Variants in CLEC16A observed in about 807,000 individuals in gnomAD.
CLEC16A encodes the protein C-type lectin domain containing 16A.
Under a neutral mutation model 109.5 loss-of-function variants are expected in CLEC16A, and 51 were observed. The ratio of observed to expected loss-of-function variants is 0.47; its 90% confidence interval spans 0.37 to 0.59. CLEC16A has a LOEUF of 0.59. Among genes scored for constraint, CLEC16A ranks in the 20% least tolerant of loss-of-function variants. The pLI is 0.00. For synonymous variants in CLEC16A, 673 were observed against 564.2 expected (o/e 1.19, Z -2.73); for missense variants, 1,339 against 1,394.0 (o/e 0.96, Z 0.63).
At chr16:11,018,866 G>T (rs1043437238) in intron 11 of CLEC16A, among the ~76,000 whole-genome samples, 1 of 152,166 alleles carries the variant, frequency 6.6e-6, no homozygotes, top group Non-Finnish European at 1.5e-5. Flanking sequence ...AAGGTCAGAG[G>T]TGGACTGGGG....
At chr16:11,021,139 T>C (rs1433743427) in intron 12 of CLEC16A, among the ~76,000 whole-genome samples, 1 of 152,200 alleles carries the variant, frequency 6.6e-6, no homozygotes, top group Non-Finnish European at 1.5e-5. Flanking sequence ...CGGCCCCCCA[T>C]CCTCTTTAGT....
At chr16:11,027,425 G>A in intron 13 of CLEC16A, 4 of 1,500,858 alleles carry the variant, frequency 2.7e-6, no homozygotes, top group Non-Finnish European at 3.7e-6. Context: ...TGCGTATAGT[G>A]GAAACTTATG....
In CLEC16A at chr16:11,112,181, C is replaced by T. The variant is rs539657451; in HGVS notation, c.2117-8434C>T. 1.2e-3 allele frequency among the ~76,000 whole-genome samples: 182 copies of T among 152,334 alleles called. 1 individual carries two copies. The highest frequency in any genetic ancestry group is 2.1e-3 in the Admixed American group (32 of 15,308). On this transcript the variant is annotated intron_variant, in intron 19 of 23. Coordinates refer to ENST00000409790, the MANE Select transcript of CLEC16A (RefSeq NM_015226.3). The stretch of plus-strand genomic sequence containing the variant: ...TTAAGAAAGGAAATGGAGAGGAGAA[C>T]ATAGCCCCATGAGTGCTTGAAAATG...
At chr16:11,131,029 G>GAA (rs112694398) in intron 22 of CLEC16A, among the ~76,000 whole-genome samples, 6,271 of 150,132 alleles carry the variant, frequency 0.042, 423 homozygotes, top group African/African-American at 0.15. Flanking sequence ...ATTTGGCTCA[G>GAA]AAAAAAAAAA....
At chr16:11,152,267 A>G (rs1178362308) in intron 22 of CLEC16A, among the ~76,000 whole-genome samples, 1 of 152,232 alleles carries the variant, frequency 6.6e-6, no homozygotes, top group African/African-American at 2.4e-5. Flanking sequence ...AAGCCCAGGA[A>G]AAACGAGTGC....
rs982188435 is a variant in CLEC16A, at chr16:10,944,807, G to A, written c.80+10G>A. 1.2e-6 allele frequency: 2 copies of A among 1,600,216 alleles called. No homozygotes were observed. Among genetic ancestry groups the A allele is most frequent in the East Asian group, 4.5e-5 (2 of 44,514 alleles). On this transcript the variant is annotated intron_variant, in intron 1 of 23. Coordinates refer to ENST00000409790, the MANE Select transcript of CLEC16A (RefSeq NM_015226.3). Reference sequence around the variant, plus strand: ...CCTTGGACCACCTCAAGTGAGTGTGGGGGGCGTAGCGGGAGGCCTCGGGGC... The same window carrying A: ...CCTTGGACCACCTCAAGTGAGTGTGAGGGGCGTAGCGGGAGGCCTCGGGGC...
chr16:11,153,550 C>T (rs941424162), intron 22 of CLEC16A, among the ~76,000 whole-genome samples: 3 of 150,642 alleles, frequency 2.0e-5, no homozygotes, highest in Non-Finnish European at 2.9e-5. Flanking sequence ...GTTTAAGAAA[C>T]GTCACTCTAA....
In CLEC16A at chr16:11,126,094, C is replaced by T. The variant is rs1245929568; in HGVS notation, c.2589C>T (p.Ser863=). 3 of 1,613,790 alleles carry T rather than the reference C, an allele frequency of 1.9e-6. No individual in the cohort carries two copies. Among genetic ancestry groups the T allele is most frequent in the African/African-American group, 2.7e-5 (2 of 74,890 alleles). Residue 863 remains serine (S), a synonymous_variant, in exon 22 of 24, where the codon AGC becomes AGT. Coordinates refer to ENST00000409790, the MANE Select transcript of CLEC16A (RefSeq NM_015226.3). ...FRFYDQGRRG[S]SDPTVQRSVF... is the part of the protein sequence containing the mutation. ...TCTACGACCAGGGGCGCCGGGGCAG[C>T]AGCGACCCCACAGTGCAGCGCTCCG...
intron 22 of CLEC16A, chr16:11,156,460 C>G (rs574899078): frequency 4.6e-5 from 22 of 483,392 alleles, no homozygotes; most frequent in Admixed American, 2.0e-4. Flanking sequence ...GCCATAGTGA[C>G]CCACCCTGCT....
chr16:10,983,082 C>G, intron 10 of CLEC16A, 91 bp downstream of exon 10: 1 of 739,392 alleles, frequency 1.4e-6, no homozygotes, highest in Non-Finnish European at 2.4e-6. Flanking sequence ...AACTAACATT[C>G]TGAATATATA....
intron 22 of CLEC16A, among the ~76,000 whole-genome samples, chr16:11,137,957 G>A (rs1265957925): frequency 6.6e-6 from 1 of 152,244 alleles, no homozygotes; most frequent in Non-Finnish European, 1.5e-5. Context: ...GAGACAGGCA[G>A]AAGCCATTTG....
chr16:11,174,095 G>T lies in CLEC16A; in HGVS notation c.2807-4240G>T, dbSNP rs909038727. On this transcript the variant is annotated intron_variant, in intron 23 of 23. Coordinates refer to ENST00000409790, the MANE Select transcript of CLEC16A (RefSeq NM_015226.3). This position sits in a 1 kb window ranked among gnomAD's most constrained non-coding sequence, Gnocchi z 4.7. ...TGCTGCTCAGTGTCCCCTCCATGTC[G>T]CCTCTGCCGTCCCATTGTTAAAGGC... The T allele has an allele frequency of 1.1e-5, 5 of 443,404 alleles. No homozygotes were observed. Among genetic ancestry groups the T allele is most frequent in the Middle Eastern group, 3.3e-4 (1 of 2,998 alleles). The allele number at this position is 443,404 out of a possible 1,614,324, so 27.5% of individuals were successfully genotyped here. A position where few individuals can be genotyped will look rare whatever the true frequency, so the allele number is the denominator to read the frequency against.
chr16:11,054,161 C>T (rs925864598), intron 18 of CLEC16A, among the ~76,000 whole-genome samples: 2 of 152,240 alleles, frequency 1.3e-5, no homozygotes, highest in South Asian at 2.1e-4. Flanking sequence ...AGAACCTTGG[C>T]TGTCACCTCT....
rs570799277 is a variant in CLEC16A, at chr16:11,006,629, C to T, written c.1303+3324C>T. Reference sequence around the variant, plus strand: ...TTGACTTTAAAAGACGGGGAAAATACAGGAGTAAAAAAGGCATGTGGTCAC... The same window carrying T: ...TTGACTTTAAAAGACGGGGAAAATATAGGAGTAAAAAAGGCATGTGGTCAC... On this transcript the variant is annotated intron_variant, in intron 11 of 23. Transcript: ENST00000409790. Among the ~76,000 whole-genome samples the T allele has an allele frequency of 5.3e-5, 8 of 152,146 alleles. No individual in the cohort carries two copies. In the East Asian group the frequency reaches 7.7e-4, roughly 15 times the overall value.
intron 19 of CLEC16A, among the ~76,000 whole-genome samples, chr16:11,076,862 C>G (rs1277978432): frequency 6.6e-6 from 1 of 152,208 alleles, no homozygotes; most frequent in African/African-American, 2.4e-5. Context: ...CCAGGGCCTG[C>G]TGGGGAGATC....
chr16:11,142,827 T>C (rs2053898683), intron 22 of CLEC16A, among the ~76,000 whole-genome samples: 1 of 152,248 alleles, frequency 6.6e-6, no homozygotes, highest in South Asian at 2.1e-4. Flanking sequence ...TTTATTTTTT[T>C]GGAGACAGAG....
chr16:10,982,994 A>G lies in CLEC16A; in HGVS notation c.1071+3A>G. 6.6e-7 allele frequency: 1 copy of G among 1,523,240 alleles called. No individual in the cohort carries two copies. Among genetic ancestry groups the G allele is most frequent in the East Asian group, 2.2e-5 (1 of 44,468 alleles). 94.4% of individuals were successfully genotyped at this position (1,523,240 alleles called of 1,614,324 possible). A position where few individuals can be genotyped will look rare whatever the true frequency, so the allele number is the denominator to read the frequency against. ...AACAGGATATTCAGAGAAGTTCTGT[A>G]AGTCATTAGCTTCGGGACTGACCTT... On this transcript the variant is annotated splice_donor_region_variant and intron_variant, in intron 10 of 23. Coordinates refer to ENST00000409790, the MANE Select transcript of CLEC16A (RefSeq NM_015226.3).
At chr16:10,972,847 T>C in intron 6 of CLEC16A, 91 bp from the exon 7 acceptor site, 1 of 1,375,878 alleles carries the variant, frequency 7.3e-7, no homozygotes, top group South Asian at 1.5e-5. Context: ...ATTGTGGTTT[T>C]TGGGTTTTGC....
intron 23 of CLEC16A, among the ~76,000 whole-genome samples, chr16:11,172,855 C>T (rs2068582869): frequency 6.6e-6 from 1 of 152,226 alleles, no homozygotes. Context: ...TGCCACTGTA[C>T]TCCAGCCTGG....
Sources: gnomAD v4.1 joint callset for allele counts (sites outside exome capture counted in the v4.1 genomes callset) on GRCh38, gnomAD v4.1.1 for gene constraint, Gnocchi (gnomAD v3.1) non-coding constraint, MANE v1.5 for transcripts, NCBI Gene and HGNC (gene_info 2026-07-23, HGNC 2026-07-21) for gene names.